Variants in PRDM16 observed in about 807,000 individuals in gnomAD.
PRDM16 encodes the protein PR/SET domain 16.
PRDM16 carries 23 observed loss-of-function variants against 110.6 expected under a neutral mutation model. The observed-to-expected ratio is 0.21, with a 90% confidence interval of 0.15 to 0.29. The LOEUF (loss-of-function observed/expected upper bound fraction) is 0.29, where lower values mean the gene tolerates loss of function less well. Among genes scored for constraint, PRDM16 ranks in the 10% least tolerant of loss-of-function variants. The probability of loss-of-function intolerance (pLI) is 1.00; values close to 1 mark genes in which losing one functional copy is unlikely to be tolerated. For synonymous variants in PRDM16, 799 were observed against 781.8 expected, an observed-to-expected ratio of 1.02 and a Z score of -0.37; for missense variants, 1,615 against 1,794.3, an observed-to-expected ratio of 0.90 and a Z score of 1.81.
At chr1:3,396,308 G>C (rs1440676283) in intron 4 of PRDM16, 183 bp from the exon 5 acceptor site, 1 of 675,674 alleles carries the variant, frequency 1.5e-6, no homozygotes, top group Non-Finnish European at 2.7e-6. Context: ...AATTAAAAGG[G>C]GACGCAATTC....
intron 3 of PRDM16, among the ~76,000 whole-genome samples, chr1:3,320,664 C>G (rs534570700): frequency 5.9e-4 from 90 of 152,336 alleles, no homozygotes; most frequent in African/African-American, 2.1e-3. Context: ...AAGCCCAGTG[C>G]CTTCCTGCTG....
At chr1:3,374,950 C>T (rs891450016) in intron 3 of PRDM16, among the ~76,000 whole-genome samples, 2 of 152,232 alleles carry the variant, frequency 1.3e-5, no homozygotes, top group African/African-American at 2.4e-5. Flanking sequence ...AGAGAACCTT[C>T]GGTGTCCGGG....
chr1:3,420,976 C>T (rs1638409693), intron 12 of PRDM16, among the ~76,000 whole-genome samples: 1 of 152,118 alleles, frequency 6.6e-6, no homozygotes, highest in African/African-American at 2.4e-5. Flanking sequence ...CTGCTGACTC[C>T]CTAGTCTGCC....
intron 1 of PRDM16, among the ~76,000 whole-genome samples, chr1:3,099,538 G>T (rs997368646): frequency 4.5e-4 from 69 of 152,360 alleles, no homozygotes; most frequent in African/African-American, 1.6e-3. Context: ...GGCTCCTGGG[G>T]ACTGGCTGGT....
chr1:3,385,646 T>C (rs139103721), intron 4 of PRDM16, among the ~76,000 whole-genome samples: 170 of 152,308 alleles, frequency 1.1e-3, no homozygotes, highest in African/African-American at 3.9e-3. Flanking sequence ...GGGAGAAGCA[T>C]AGAGCAGGAA....
intron 1 of PRDM16, among the ~76,000 whole-genome samples, chr1:3,076,470 T>C (rs2981889): frequency 0.36 from 54,428 of 152,086 alleles, 10,035 homozygotes; most frequent in African/African-American, 0.38. Context: ...GCTGGTCCCC[T>C]GCGTGGAGTG....
intron 1 of PRDM16, among the ~76,000 whole-genome samples, chr1:3,083,894 G>A (rs577903875): frequency 6.6e-6 from 1 of 152,352 alleles, no homozygotes; most frequent in African/African-American, 2.4e-5. Flanking sequence ...GCCCACACAC[G>A]CATGGAACAC....
intron 3 of PRDM16, among the ~76,000 whole-genome samples, chr1:3,304,601 G>A (rs1227377840): frequency 6.6e-6 from 1 of 152,196 alleles, no homozygotes; most frequent in Middle Eastern, 3.2e-3. Context: ...GTCCACACGA[G>A]GAGCACGGCC....
Position 3,081,943 on chromosome 1 carries a change from A to AG in PRDM16, c.37+12648dup, listed in dbSNP as rs1168481321. ...AGTCAGGATGGGCAGATGAAGCCACAGTGTGCCAAGGCAGCGGCAAAGCCC... is the reference window on the plus strand; with the variant it reads ...AGTCAGGATGGGCAGATGAAGCCACAGGTGTGCCAAGGCAGCGGCAAAGCCC... On this transcript the variant is annotated intron_variant, in intron 1 of 16. Coordinates refer to ENST00000270722, the MANE Select transcript of PRDM16 (RefSeq NM_022114.4). The surrounding 1 kb of genome is among the most constrained non-coding windows in gnomAD (Gnocchi z 4.6). 3.9e-5 allele frequency among the ~76,000 whole-genome samples: 6 copies of AG among 152,230 alleles called. No homozygotes were observed. The highest frequency in any genetic ancestry group is 2.0e-4 in the Admixed American group (3 of 15,288).
rs1638956342 is a variant in PRDM16 at position 3,438,099 on chromosome 1, T to TTG, written c.*4289_*4290insGT. ...AAGAAATCAAATGTAAATGTCTGGT[T>TTG]TTCATATAATGTTTAAAAAGACCAT... On this transcript the variant is annotated 3_prime_UTR_variant, in exon 17 of 17. Transcript: ENST00000270722. The TTG allele has an allele frequency of 4.8e-6, 1 of 206,888 alleles. No individual in the cohort carries two copies. Among genetic ancestry groups the TTG allele is most frequent in the Non-Finnish European group, 9.9e-6 (1 of 101,446 alleles). The allele number at this position is 206,888 out of a possible 1,614,324, so 12.8% of individuals were successfully genotyped here. A position where few individuals can be genotyped will look rare whatever the true frequency, so the allele number is the denominator to read the frequency against.
chr1:3,310,524 T>C (rs1570041821), intron 3 of PRDM16, among the ~76,000 whole-genome samples: 1 of 152,094 alleles, frequency 6.6e-6, no homozygotes, highest in Non-Finnish European at 1.5e-5. Context: ...CAAGCTCCAC[T>C]TGGGGAGGTT....
intron 3 of PRDM16, among the ~76,000 whole-genome samples, chr1:3,286,319 G>A (rs569837787): frequency 6.6e-6 from 1 of 152,364 alleles, no homozygotes; most frequent in South Asian, 2.1e-4. Context: ...CGCAACTGCA[G>A]TTAACCCTTC....
chr1:3,312,848 C>A (rs1390482643), intron 3 of PRDM16, among the ~76,000 whole-genome samples: 1 of 152,230 alleles, frequency 6.6e-6, no homozygotes, highest in Non-Finnish European at 1.5e-5. Flanking sequence ...CACTTGTGAT[C>A]CTAACATGTG....
intron 1 of PRDM16, among the ~76,000 whole-genome samples, chr1:3,111,777 C>T (rs1405539741): frequency 6.6e-6 from 1 of 152,218 alleles, no homozygotes; most frequent in South Asian, 2.1e-4. Context: ...GGCCCAGCGC[C>T]ACATCAGGCG....
In PRDM16 at chr1:3,265,875, T is replaced by TGCAGTGCTCCCCAGGGCTCC. The variant is rs1553154779; in HGVS notation, c.438+21742_438+21761dup. 5.9e-5 allele frequency among the ~76,000 whole-genome samples: 9 copies of TGCAGTGCTCCCCAGGGCTCC among 152,268 alleles called. No homozygotes were observed. The highest frequency in any genetic ancestry group is 1.9e-4 in the East Asian group (1 of 5,170). On this transcript the variant is annotated intron_variant, in intron 3 of 16. Coordinates refer to ENST00000270722, the MANE Select transcript of PRDM16 (RefSeq NM_022114.4). This position sits in a 1 kb window ranked among gnomAD's most constrained non-coding sequence, Gnocchi z 4.5. ...GCTCTCTATGATCCCTTTACGGTCG[T>TGCAGTGCTCCCCAGGGCTCC]GCAGTGCTCCCCAGGGCTCCGCACT...
intron 4 of PRDM16, among the ~76,000 whole-genome samples, chr1:3,389,393 G>A (rs559832987): frequency 5.3e-5 from 8 of 152,156 alleles, no homozygotes; most frequent in Non-Finnish European, 7.4e-5. Context: ...GAATCGGACC[G>A]TCCTCTCCAT....
intron 3 of PRDM16, among the ~76,000 whole-genome samples, chr1:3,305,401 G>T (rs1004156774): frequency 1.3e-5 from 2 of 152,178 alleles, no homozygotes; most frequent in East Asian, 3.9e-4. Context: ...GCCTCGCTGT[G>T]CTGCCTCCAG....
chr1:3,120,659 C>A (rs1643074791), intron 1 of PRDM16, among the ~76,000 whole-genome samples: 1 of 152,208 alleles, frequency 6.6e-6, no homozygotes, highest in Non-Finnish European at 1.5e-5. Flanking sequence ...GCCCTTGCGT[C>A]TCTGCGCTGG....
intron 1 of PRDM16, among the ~76,000 whole-genome samples, chr1:3,113,763 G>A (rs988109376): frequency 7.9e-5 from 12 of 152,208 alleles, no homozygotes; most frequent in Non-Finnish European, 1.5e-4. Context: ...CCGTCTGGGG[G>A]CCCTGGGCCA....
Sources: allele counts gnomAD v4.1 joint callset (sites outside exome capture counted in the v4.1 genomes callset), GRCh38; gene constraint gnomAD v4.1.1; non-coding constraint Gnocchi (gnomAD v3.1); transcripts MANE v1.5; gene names NCBI Gene and HGNC (gene_info 2026-07-23, HGNC 2026-07-21).